EPB41: variants seen among roughly 807,000 people sequenced by gnomAD.
EPB41 encodes protein 4.1.
In EPB41, 65 loss-of-function variants were observed where a neutral mutation model predicts 108.0. That is an observed-to-expected ratio of 0.60 (90% CI 0.49 to 0.74). EPB41 has a LOEUF of 0.74. Ranked by LOEUF, EPB41 falls within the 30% of genes least tolerant of loss-of-function variation. EPB41 has a pLI of 0.00. For missense variants in EPB41, 875 were observed against 1,037.0 expected, an observed-to-expected ratio of 0.84 and a Z score of 2.15; for synonymous variants, 336 against 358.9, an observed-to-expected ratio of 0.94 and a Z score of 0.72.
chr1:28,985,161 A>G (rs2095846372), intron 1 of EPB41, among the ~76,000 whole-genome samples: 2 of 148,442 alleles, frequency 1.3e-5, no homozygotes, highest in African/African-American at 5.0e-5. Flanking sequence ...ACGGGGCTTC[A>G]CCATGCTGAC....
At chr1:28,935,469 C>CACACACACA (rs1234434094) in intron 1 of EPB41, among the ~76,000 whole-genome samples, 553 of 42,272 alleles carry the variant, frequency 0.013, 75 homozygotes, top group South Asian at 0.033. Context: ...ACACACACAC[C>CACACACACA]CCCCCCCCCC....
In EPB41 at chr1:28,954,133, T is replaced by G. The variant is rs559997237; in HGVS notation, c.-7-33298T>G. 3.3e-5 allele frequency among the ~76,000 whole-genome samples: 5 copies of G among 152,366 alleles called. No individual in the cohort carries two copies. The South Asian group carries it at 1.0e-3, about 32-fold the overall frequency. On this transcript the variant is annotated intron_variant, in intron 1 of 20. Coordinates refer to ENST00000343067, the MANE Select transcript of EPB41 (RefSeq NM_001376013.1). The stretch of plus-strand genomic sequence containing the variant: ...AGGTGAGAACTGCTGCTGTAATTAT[T>G]TATAGTTTATTCCTCCATATTTCCC...
At chr1:29,113,206 G>A (rs116091321) in intron 19 of EPB41, among the ~76,000 whole-genome samples, 9 of 152,334 alleles carry the variant, frequency 5.9e-5, no homozygotes, top group African/African-American at 1.2e-4. Context: ...AATGTTCCCA[G>A]TTCTCTGCTG....
intron 1 of EPB41, among the ~76,000 whole-genome samples, chr1:28,931,503 T>C (rs1004492802): frequency 6.6e-6 from 1 of 151,832 alleles, no homozygotes; most frequent in Admixed American, 6.6e-5. Context: ...CATACTCCTC[T>C]AAAGAGTTTT....
chr1:29,052,766 T>G (rs1448940962), intron 11 of EPB41, among the ~76,000 whole-genome samples: 1 of 152,206 alleles, frequency 6.6e-6, no homozygotes, highest in Non-Finnish European at 1.5e-5. Flanking sequence ...CTTTTTTTCC[T>G]GCCATAGACA....
At chr1:28,991,596 G>A (rs1457584200) in intron 2 of EPB41, among the ~76,000 whole-genome samples, 1 of 151,488 alleles carries the variant, frequency 6.6e-6, no homozygotes, top group African/African-American at 2.4e-5. Flanking sequence ...CAGCTACTTG[G>A]GATGTTGAGG....
chr1:28,932,584 T>G (rs935815405), intron 1 of EPB41, among the ~76,000 whole-genome samples: 3 of 151,794 alleles, frequency 2.0e-5, no homozygotes, highest in Non-Finnish European at 4.4e-5. Flanking sequence ...CAGGCCAAAC[T>G]AGTTATATAT....
At chr1:29,104,340 G>A (rs926571125) in intron 17 of EPB41, among the ~76,000 whole-genome samples, 1 of 152,148 alleles carries the variant, frequency 6.6e-6, no homozygotes, top group Admixed American at 6.5e-5. Flanking sequence ...CTGTGCTTTG[G>A]AAAACATGGT....
chr1:29,097,129 T>G (rs1337292689), intron 16 of EPB41: 2 of 154,400 alleles, frequency 1.3e-5, no homozygotes, highest in Non-Finnish European at 2.9e-5. Flanking sequence ...CACTTAACCT[T>G]ATTACAATCA....
intron 16 of EPB41, among the ~76,000 whole-genome samples, chr1:29,090,749 T>G (rs1473405630): frequency 1.3e-5 from 2 of 152,114 alleles, no homozygotes; most frequent in African/African-American, 4.8e-5. Context: ...AAACCCTGTC[T>G]CAAAAAGAAA....
intron 16 of EPB41, among the ~76,000 whole-genome samples, chr1:29,095,560 C>T (rs1662907807): frequency 2.0e-5 from 3 of 152,076 alleles, no homozygotes; most frequent in Non-Finnish European, 2.9e-5. Flanking sequence ...TATGAGAGGC[C>T]AGGAGTTTGA....
chr1:29,035,818 T>A lies in EPB41; in HGVS notation c.1366-8T>A, dbSNP rs552573240. On this transcript the variant is annotated splice_region_variant and splice_polypyrimidine_tract_variant and intron_variant, in intron 9 of 20. Transcript: ENST00000343067. ...CTTCATGTCCCATGTTTATTTGTGTTTTTGTAGCAAGAGCAGTATGAAAGT... is the reference window on the plus strand; with the variant it reads ...CTTCATGTCCCATGTTTATTTGTGTATTTGTAGCAAGAGCAGTATGAAAGT... 5.6e-6 allele frequency: 9 copies of A among 1,608,344 alleles called. 1 individual carries two copies. The South Asian group carries it at 8.8e-5, about 16-fold the overall frequency.
intron 7 of EPB41, among the ~76,000 whole-genome samples, chr1:29,020,161 C>T (rs1270837943): frequency 2.6e-5 from 4 of 151,990 alleles, no homozygotes; most frequent in Non-Finnish European, 4.4e-5. Context: ...CTCCACCTCC[C>T]GGGTTCAAGC....
intron 17 of EPB41, among the ~76,000 whole-genome samples, chr1:29,102,389 A>T (rs1366776122): frequency 1.3e-5 from 2 of 152,146 alleles, no homozygotes; most frequent in South Asian, 4.1e-4. Flanking sequence ...TTAGGTTTGT[A>T]TATCAATACA....
At chr1:29,025,586 A>G (rs2096708640) in intron 7 of EPB41, among the ~76,000 whole-genome samples, 1 of 152,066 alleles carries the variant, frequency 6.6e-6, no homozygotes. Flanking sequence ...AAGGCAAAAA[A>G]TAATTTATTT....
At chr1:28,948,505 CAAAAAAA>C (rs34508731) in intron 1 of EPB41, among the ~76,000 whole-genome samples, 8 of 90,998 alleles carry the variant, frequency 8.8e-5, no homozygotes, top group African/African-American at 3.3e-4. Context: ...GACTCCGTAT[CAAAAAAA>C]AAAAAAAAAA....
At chr1:28,932,412 A>G (rs1273328367) in intron 1 of EPB41, among the ~76,000 whole-genome samples, 1 of 149,560 alleles carries the variant, frequency 6.7e-6, no homozygotes, top group Admixed American at 6.6e-5. Flanking sequence ...CATGAGCATC[A>G]TGCCTGGCCT....
chr1:28,986,621 T>C (rs2149509397), intron 1 of EPB41, among the ~76,000 whole-genome samples: 1 of 152,294 alleles, frequency 6.6e-6, no homozygotes, highest in South Asian at 2.1e-4. Context: ...AAAAAGAGAC[T>C]GAAAGAGCTT....
chr1:28,956,123 TGTAAA>T (rs1273692025), intron 1 of EPB41, among the ~76,000 whole-genome samples: 1 of 152,358 alleles, frequency 6.6e-6, no homozygotes, highest in East Asian at 1.9e-4. Context: ...GCAGCTGCCA[TGTAAA>T]GTACTCTCAT....
Sources: allele counts gnomAD v4.1 joint callset (sites outside exome capture counted in the v4.1 genomes callset), GRCh38; gene constraint gnomAD v4.1.1; transcripts MANE v1.5; gene names NCBI Gene and HGNC (gene_info 2026-07-23, HGNC 2026-07-21).